BLOC1S2: variants seen among roughly 807,000 people sequenced by gnomAD.
BLOC1S2 encodes biogenesis of lysosome-related organelles complex 1 subunit 2.
BLOC1S2 carries 12 observed loss-of-function variants against 19.6 expected under a neutral mutation model. The observed-to-expected ratio is 0.61, with a 90% CI of 0.39 to 0.99. BLOC1S2 has a LOEUF of 0.99. Among genes scored for constraint, BLOC1S2 ranks in the 50% least tolerant of loss-of-function variants. The pLI is 0.00. For missense variants in BLOC1S2, 142 were observed against 171.0 expected (o/e 0.83, Z 0.95); for synonymous variants, 66 against 64.1 (o/e 1.03, Z -0.14).
At chr10:100,278,654 T>C (rs1273111176) in intron 4 of BLOC1S2, among the ~76,000 whole-genome samples, 5 of 151,504 alleles carry the variant, frequency 3.3e-5, no homozygotes, top group East Asian at 1.9e-4. Context: ...TAAGAGTCAT[T>C]ACCACTCCCT....
chr10:100,281,156 T>G, intron 2 of BLOC1S2, 103 bp from the exon 3 acceptor site: 2 of 1,421,436 alleles, frequency 1.4e-6, no homozygotes, highest in Non-Finnish European at 1.9e-6. Context: ...ACCAAGGAAG[T>G]GTCAAAGGAG....
chr10:100,274,683 C>T lies in BLOC1S2; in HGVS notation c.*779G>A. 2 of 297,500 alleles carry T rather than the reference C, an allele frequency of 6.7e-6. No homozygotes were observed. Among genetic ancestry groups the T allele is most frequent in the Non-Finnish European group, 1.2e-5 (2 of 162,850 alleles). 18.4% of individuals were successfully genotyped at this position (297,500 alleles called of 1,614,324 possible). On this transcript the variant is annotated 3_prime_UTR_variant, in exon 5 of 5. Coordinates refer to ENST00000370372, the MANE Select transcript of BLOC1S2 (RefSeq NM_173809.5). ...GTCCCTAAGATCCCCCCAAATCCTA[C>T]ATACACAGTAGGAAGGTATTTTATA...
chr10:100,284,279 G>A (rs1848181335), intron 2 of BLOC1S2, among the ~76,000 whole-genome samples: 1 of 152,224 alleles, frequency 6.6e-6, no homozygotes. Flanking sequence ...GGGGCTAGTA[G>A]CGCCAAATCT....
rs572571279 is a variant in BLOC1S2 at position 100,275,251 on chromosome 10, A to G, written c.*211T>C. The G allele has an allele frequency of 2.6e-5, 13 of 494,962 alleles. No homozygotes were observed. Among genetic ancestry groups the G allele is most frequent in the African/African-American group, 1.5e-4 (8 of 52,112 alleles). 30.7% of individuals were successfully genotyped at this position (494,962 alleles called of 1,614,324 possible). ...GCATTCAAGTAAAAGGTAGGAAGTT[A>G]TAAGTGTGAGATTCTGAGGGATTCT... On this transcript the variant is annotated 3_prime_UTR_variant, in exon 5 of 5. Transcript: ENST00000370372.
chr10:100,278,809 T>TTA (rs557861727), intron 4 of BLOC1S2, among the ~76,000 whole-genome samples: 18 of 137,790 alleles, frequency 1.3e-4, no homozygotes, highest in African/African-American at 4.6e-4. Context: ...GAATGATCAA[T>TTA]AAAAAAAAAA....
chr10:100,277,477 C>T (rs1296775135), intron 4 of BLOC1S2, among the ~76,000 whole-genome samples: 24 of 141,094 alleles, frequency 1.7e-4, no homozygotes, highest in African/African-American at 5.6e-4. Flanking sequence ...GCCCCCCGCC[C>T]GGCCAGCCGT....
chr10:100,281,132 T>C (rs1589650835), intron 2 of BLOC1S2, 79 bp from the exon 3 acceptor site: 4 of 1,547,138 alleles, frequency 2.6e-6, no homozygotes, highest in East Asian at 2.3e-5. Context: ...AGCTAAGTGG[T>C]AGTTCAAGGC....
At position 100,275,249 on chromosome 10, in the gene BLOC1S2, T is replaced by A; in HGVS notation, c.*213A>T. On this transcript the variant is annotated 3_prime_UTR_variant, in exon 5 of 5. Coordinates refer to ENST00000370372, the MANE Select transcript of BLOC1S2 (RefSeq NM_173809.5). ...AAGCATTCAAGTAAAAGGTAGGAAG[T>A]TATAAGTGTGAGATTCTGAGGGATT... 2 of 493,302 alleles carry A rather than the reference T, an allele frequency of 4.1e-6. No individual in the cohort carries two copies. The highest frequency in any genetic ancestry group is 7.2e-6 in the Non-Finnish European group (2 of 276,720). The allele number at this position is 493,302 out of a possible 1,614,324, so 30.6% of individuals were successfully genotyped here.
chr10:100,285,949 T>A (rs1311679516), intron 2 of BLOC1S2, 148 bp downstream of exon 2: 20 of 1,071,224 alleles, frequency 1.9e-5, no homozygotes, highest in Non-Finnish European at 2.6e-5. Flanking sequence ...TGTATTTTCT[T>A]TCTCTCCCAT....
intron 4 of BLOC1S2, among the ~76,000 whole-genome samples, chr10:100,276,886 C>A (rs1365495658): frequency 6.6e-6 from 1 of 152,192 alleles, no homozygotes; most frequent in Non-Finnish European, 1.5e-5. Context: ...CCTTGGCCCC[C>A]CCAAAGTGCG....
Position 100,283,862 on chromosome 10 carries a change from C to T in BLOC1S2, c.172+2235G>A, listed in dbSNP as rs566849563. 8.8e-4 allele frequency among the ~76,000 whole-genome samples: 134 copies of T among 151,996 alleles called. 2 individuals are homozygous for T. In the South Asian group the frequency reaches 0.022, roughly 25 times the overall value. On this transcript the variant is annotated intron_variant, in intron 2 of 4. Coordinates refer to ENST00000370372, the MANE Select transcript of BLOC1S2 (RefSeq NM_173809.5). ...TGCATTCCAGCCTGGGCAACAAAAG[C>T]GAAAACTCCGTCTAAATAAAATAAA...
intron 3 of BLOC1S2, 82 bp downstream of exon 3, chr10:100,280,852 A>C: frequency 1.0e-4 from 143 of 1,432,592 alleles, no homozygotes; most frequent in Non-Finnish European, 1.1e-4. Context: ...CAAGGATGTC[A>C]TGTTCCCTCC....
chr10:100,274,283 C>G lies in BLOC1S2; in HGVS notation c.*1179G>C, dbSNP rs1174936723. 1 of 145,232 alleles carries G rather than the reference C, an allele frequency of 6.9e-6. No homozygotes were observed. The highest frequency in any genetic ancestry group is 2.8e-5 in the African/African-American group (1 of 35,250). The allele number at this position is 145,232 out of a possible 1,614,324, so 9.0% of individuals were successfully genotyped here. ...CAAAAAAACACAAGGGACTTGTATG[C>G]ATAATGAAAGTCTAGATTTTTCAGA... On this transcript the variant is annotated 3_prime_UTR_variant, in exon 5 of 5. Coordinates refer to ENST00000370372, the MANE Select transcript of BLOC1S2 (RefSeq NM_173809.5).
intron 4 of BLOC1S2, among the ~76,000 whole-genome samples, chr10:100,278,704 A>G (rs1848015706): frequency 6.6e-6 from 1 of 152,208 alleles, no homozygotes; most frequent in South Asian, 2.1e-4. Flanking sequence ...CTGCCTAGGA[A>G]AACCAGAGAC....
intron 3 of BLOC1S2, 77 bp downstream of exon 3, chr10:100,280,857 C>A: frequency 3.4e-6 from 4 of 1,161,548 alleles, no homozygotes; most frequent in Non-Finnish European, 2.4e-6. Context: ...ATGTCATGTT[C>A]CCTCCTCTTC....
intron 2 of BLOC1S2, 145 bp downstream of exon 2, chr10:100,285,952 T>TC: frequency 9.1e-7 from 1 of 1,096,196 alleles, no homozygotes; most frequent in Non-Finnish European, 1.3e-6. Context: ...ATTTTCTTTC[T>TC]CTCCCATTCA....
At chr10:100,277,902 T>C (rs866884172) in intron 4 of BLOC1S2, among the ~76,000 whole-genome samples, 13,781 of 38,940 alleles carry the variant, frequency 0.35, 2,142 homozygotes, top group African/African-American at 0.42. Flanking sequence ...GCCCCCCGCC[T>C]GGCCAGCCGC....
chr10:100,285,711 C>T (rs1848217083), intron 2 of BLOC1S2, among the ~76,000 whole-genome samples: 1 of 152,154 alleles, frequency 6.6e-6, no homozygotes, highest in East Asian at 1.9e-4. Context: ...AATTTCATTT[C>T]TCTTTATCCC....
At chr10:100,286,551 A>C (rs928253220) in intron 1 of BLOC1S2, 54 bp downstream of exon 1, 11 of 1,605,854 alleles carry the variant, frequency 6.8e-6, no homozygotes, top group Non-Finnish European at 9.4e-6. Flanking sequence ...CGCCCACCCG[A>C]GACGGAGCCC....
Sources: gnomAD v4.1 joint callset for allele counts (sites outside exome capture counted in the v4.1 genomes callset) on GRCh38, gnomAD v4.1.1 for gene constraint, MANE v1.5 for transcripts, NCBI Gene and HGNC (gene_info 2026-07-23, HGNC 2026-07-21) for gene names.